The following CACNA1G variants were observed in gnomAD, a reference collection of about 807,000 sequenced individuals.
CACNA1G encodes calcium voltage-gated channel subunit alpha1 G.
Under a neutral mutation model 219.4 loss-of-function variants are expected in CACNA1G, and 67 were observed. The observed-to-expected ratio is 0.31, with a 90% confidence interval of 0.25 to 0.37. The LOEUF is 0.37. Ranked by LOEUF, CACNA1G falls within the 10% of genes least tolerant of loss-of-function variation. The pLI is 1.00. For synonymous variants in CACNA1G, 1,296 were observed against 1,345.3 expected (o/e 0.96, Z 0.80); for missense variants, 2,380 against 3,231.4 (o/e 0.74, Z 6.39).
intron 7 of CACNA1G, among the ~76,000 whole-genome samples, chr17:50,574,565 C>A (rs887667899): frequency 6.9e-6 from 1 of 145,984 alleles, no homozygotes; most frequent in Non-Finnish European, 1.5e-5. Context: ...CACCATGTGC[C>A]CCCCCCACCC....
At chr17:50,612,203 T>A (rs980874981) in intron 26 of CACNA1G, among the ~76,000 whole-genome samples, 12 of 152,192 alleles carry the variant, frequency 7.9e-5, no homozygotes, top group Non-Finnish European at 1.6e-4. Flanking sequence ...GGGGACAGAG[T>A]CAAACGCAGT....
Position 50,618,582 on chromosome 17 carries a change from A to G in CACNA1G, c.5428-73A>G. 8.2e-7 allele frequency: 1 copy of G among 1,219,760 alleles called. No homozygotes were observed. The highest frequency in any genetic ancestry group is 1.2e-6 in the Non-Finnish European group (1 of 848,782). 75.6% of individuals were successfully genotyped at this position (1,219,760 alleles called of 1,614,324 possible). On this transcript the variant is annotated intron_variant, in intron 32 of 37. Transcript: ENST00000359106. This position sits in a 1 kb window ranked among gnomAD's most constrained non-coding sequence, Gnocchi z 5.3. ...CCATCCTCCAATGCTCTGTGACACC[A>G]GTGACCTGATTTTCCACAACAGCTC... is the stretch of plus-strand genomic sequence containing the variant.
In CACNA1G at chr17:50,596,616, G is replaced by A; in HGVS notation, c.3034G>A (p.Gly1012Ser). 1 of 1,613,972 alleles carries A rather than the reference G, an allele frequency of 6.2e-7. No individual in the cohort carries two copies. Among genetic ancestry groups the A allele is most frequent in the Admixed American group, 1.7e-5 (1 of 60,028 alleles). ...EPDFFSPSLD[G>S]DGDRKKCLAL... is the part of the protein sequence containing the mutation. ...CGATTTCTTCTCACCCAGCCTGGAT[G>A]GTGATGGGGACAGGAAGAAGTGCTT... is the stretch of plus-strand genomic sequence containing the variant. Residue 1012 changes from glycine (G) to serine (S), a missense_variant, in exon 15 of 38, where the codon GGT (glycine) becomes AGT (serine). By Grantham distance (56) the Gly-to-Ser change is moderately conservative. Around this residue, in one of 17 missense-constraint regions of CACNA1G, gnomAD observed 418 missense variants for 434.3 expected, o/e 0.96. Transcript: ENST00000359106. This position sits in a 1 kb window ranked among gnomAD's most constrained non-coding sequence, Gnocchi z 4.8.
chr17:50,614,902 A>G (rs1299621745), intron 26 of CACNA1G, among the ~76,000 whole-genome samples: 1 of 152,156 alleles, frequency 6.6e-6, no homozygotes, highest in East Asian at 1.9e-4. Context: ...GCTCTGTGTA[A>G]TCTCCTCTGC....
intron 9 of CACNA1G, among the ~76,000 whole-genome samples, chr17:50,584,875 A>C (rs2042699988): frequency 6.6e-6 from 1 of 152,044 alleles, no homozygotes; most frequent in Admixed American, 6.5e-5. Flanking sequence ...ACTGTGAATA[A>C]AGGCATGAAA....
chr17:50,615,029 C>T (rs2050170268), intron 26 of CACNA1G, among the ~76,000 whole-genome samples: 1 of 152,130 alleles, frequency 6.6e-6, no homozygotes, highest in Admixed American at 6.5e-5. Context: ...GGCCTTGCTG[C>T]GGAACACTGA....
rs530494596 is a variant in CACNA1G, at chr17:50,573,018, T to C, written c.1048-3T>C. On this transcript the variant is annotated splice_region_variant and splice_polypyrimidine_tract_variant and intron_variant, in intron 6 of 37. Transcript: ENST00000359106. ...AGTCAGCCTGCCCCTCTGCACCCCCTAGGTCATCACGCTGGAGGGCTGGGT... is the reference window on the plus strand; with the variant it reads ...AGTCAGCCTGCCCCTCTGCACCCCCCAGGTCATCACGCTGGAGGGCTGGGT... The C allele has an allele frequency of 1.0e-5, 16 of 1,577,530 alleles. No homozygotes were observed. The South Asian group carries it at 1.8e-4, about 18-fold the overall frequency.
intron 7 of CACNA1G, among the ~76,000 whole-genome samples, chr17:50,574,577 C>G (rs1208514120): frequency 6.6e-6 from 1 of 152,152 alleles, no homozygotes; most frequent in East Asian, 1.9e-4. Context: ...CCCCCACCCC[C>G]ACTCCCTTTC....
intron 27 of CACNA1G, among the ~76,000 whole-genome samples, chr17:50,615,857 C>G (rs1214237442): frequency 1.3e-5 from 2 of 152,190 alleles, no homozygotes; most frequent in Non-Finnish European, 2.9e-5. Context: ...GAGATTCTAG[C>G]GAACGTCCAG....
At chr17:50,614,619 A>G (rs1384729999) in intron 26 of CACNA1G, among the ~76,000 whole-genome samples, 1 of 152,250 alleles carries the variant, frequency 6.6e-6, no homozygotes, top group Non-Finnish European at 1.5e-5. Flanking sequence ...GATCTCAGAC[A>G]GTGCTTCCAG....
chr17:50,562,753 G>A lies in CACNA1G; in HGVS notation c.242+1052G>A, dbSNP rs988130922. Among the ~76,000 whole-genome samples, 11 of 152,304 alleles carry A rather than the reference G, an allele frequency of 7.2e-5. No homozygotes were observed. The South Asian group carries it at 8.3e-4, about 11-fold the overall frequency. ...GAGGACTCGGGTCCACCACCCCAGC[G>A]TAGACTCCGCAGATAGGTTTGGGGA... On this transcript the variant is annotated intron_variant, in intron 1 of 37. Coordinates refer to ENST00000359106, the MANE Select transcript of CACNA1G (RefSeq NM_018896.5).
intron 10 of CACNA1G, 115 bp from the exon 11 acceptor site, chr17:50,591,320 T>C: frequency 3.7e-6 from 4 of 1,072,162 alleles, no homozygotes; most frequent in Non-Finnish European, 5.2e-6. Context: ...CTGTGCCCCA[T>C]TTTCTCTCGA....
At chr17:50,605,296 G>C (rs1372834622) in intron 22 of CACNA1G, among the ~76,000 whole-genome samples, 1 of 152,222 alleles carries the variant, frequency 6.6e-6, no homozygotes, top group Non-Finnish European at 1.5e-5. Context: ...TTTCCAATCA[G>C]ACAGACCTGG....
chr17:50,565,673 C>T (rs2037608233), intron 1 of CACNA1G, among the ~76,000 whole-genome samples: 1 of 152,144 alleles, frequency 6.6e-6, no homozygotes. Flanking sequence ...TGCCCAGAGC[C>T]CCTGTGCCCC....
chr17:50,626,560 C>A lies in CACNA1G; in HGVS notation c.6943C>A (p.Pro2315Thr), dbSNP rs768911008. Reference protein sequence around the residue: ...KLSPPSITIDPPESQGPRTPP... With the variant: ...KLSPPSITIDTPESQGPRTPP... ...CAGCCCGCCTAGTATCACCATAGAC[C>A]CCCCCGAGAGCCAAGGTCCTCGGAC... The change falls in exon 38 of 38, where the codon CCC becomes ACC. Residue 2315 changes from proline to threonine, a missense_variant. Physicochemically the swap from Pro to Thr is conservative, Grantham distance 38. This residue lies in a region of CACNA1G where 672 missense variants were observed against 670.5 expected (regional missense o/e 1.00). Transcript: ENST00000359106. This position sits in a 1 kb window ranked among gnomAD's most constrained non-coding sequence, Gnocchi z 4.3. 19 of 1,590,914 alleles carry A rather than the reference C, an allele frequency of 1.2e-5. No homozygotes were observed. Among genetic ancestry groups the A allele is most frequent in the Non-Finnish European group, 1.5e-5 (18 of 1,170,558 alleles).
intron 25 of CACNA1G, among the ~76,000 whole-genome samples, chr17:50,608,325 T>C (rs999129225): frequency 6.6e-6 from 1 of 151,984 alleles, no homozygotes; most frequent in Non-Finnish European, 1.5e-5. Flanking sequence ...AGCTTGACTC[T>C]CAGAGGAGCC....
At chr17:50,565,391 G>GC (rs2037492669) in intron 1 of CACNA1G, among the ~76,000 whole-genome samples, 1 of 141,684 alleles carries the variant, frequency 7.1e-6, no homozygotes, top group Non-Finnish European at 1.5e-5. Flanking sequence ...GTGGGGCGGG[G>GC]GGTTCTGCTG....
intron 6 of CACNA1G, 54 bp downstream of exon 6, chr17:50,572,908 G>C: frequency 6.3e-7 from 1 of 1,589,008 alleles, no homozygotes; most frequent in African/African-American, 1.3e-5. Context: ...CCAGGACACA[G>C]CCCAGGATCG....
Position 50,626,113 on chromosome 17 carries a change from GC to G in CACNA1G, c.6498del (p.Tyr2167ThrfsTer25). The G allele has an allele frequency of 6.2e-7, 1 of 1,613,650 alleles. No homozygotes were observed. Among genetic ancestry groups the G allele is most frequent in the Non-Finnish European group, 8.5e-7 (1 of 1,179,836 alleles). ...VSGPSPPLAR[A>X]YSFWGQSSTQ... ...TGGGCCCTCCCCGCCCCTGGCCCGG[GC>G]CTACTCTTTCTGGGGCCAGTCAAGT... On this transcript the variant is annotated frameshift_variant, in exon 38 of 38. Coordinates refer to ENST00000359106, the MANE Select transcript of CACNA1G (RefSeq NM_018896.5). LOFTEE classifies it high-confidence loss of function. The surrounding 1 kb of genome is among the most constrained non-coding windows in gnomAD (Gnocchi z 4.3).
Sources: allele counts gnomAD v4.1 joint callset (sites outside exome capture counted in the v4.1 genomes callset), GRCh38; gene constraint gnomAD v4.1.1; regional missense constraint gnomAD v4.1.1; non-coding constraint Gnocchi (gnomAD v3.1); transcripts MANE v1.5; gene names NCBI Gene and HGNC (gene_info 2026-07-23, HGNC 2026-07-21).